The following PLXDC2 variants were observed in gnomAD, a reference collection of about 807,000 sequenced individuals.
The protein encoded by PLXDC2 is plexin domain containing 2.
PLXDC2 carries 40 observed loss-of-function variants against 68.9 expected under a neutral mutation model. The observed-to-expected ratio is 0.58, with a 90% confidence interval of 0.45 to 0.76. The LOEUF is 0.76. Ranked by LOEUF, PLXDC2 falls within the 30% of genes least tolerant of loss-of-function variation. The pLI is 0.00. For synonymous variants in PLXDC2, 243 were observed against 234.2 expected (o/e 1.04, Z -0.34); for missense variants, 644 against 661.9 (o/e 0.97, Z 0.30).
chr10:20,042,693 T>C (rs542589785), intron 2 of PLXDC2, among the ~76,000 whole-genome samples: 1 of 152,300 alleles, frequency 6.6e-6, no homozygotes, highest in Admixed American at 6.5e-5. Context: ...ACATTACCCC[T>C]CATAAAGTCA....
At chr10:20,122,171 G>A (rs995947938) in intron 4 of PLXDC2, among the ~76,000 whole-genome samples, 1 of 152,110 alleles carries the variant, frequency 6.6e-6, no homozygotes, top group Non-Finnish European at 1.5e-5. Flanking sequence ...ATAACTAAAA[G>A]GAATGCTTAA....
At chr10:20,263,642 C>A (rs1267649636) in intron 13 of PLXDC2, among the ~76,000 whole-genome samples, 1 of 152,006 alleles carries the variant, frequency 6.6e-6, no homozygotes, top group Non-Finnish European at 1.5e-5. Context: ...CAAACAACCT[C>A]ATTAAAAAGT....
At chr10:20,021,049 C>A (rs1835299041) in intron 2 of PLXDC2, among the ~76,000 whole-genome samples, 2 of 152,116 alleles carry the variant, frequency 1.3e-5, no homozygotes, top group African/African-American at 4.8e-5. Flanking sequence ...TTTTAAACGT[C>A]ACTAAACAAA....
chr10:19,909,884 G>A (rs1833234421), intron 1 of PLXDC2, among the ~76,000 whole-genome samples: 1 of 152,116 alleles, frequency 6.6e-6, no homozygotes. Flanking sequence ...ATGAGTGTAT[G>A]TTCAATGTAT....
intron 1 of PLXDC2, among the ~76,000 whole-genome samples, chr10:19,915,264 A>T (rs937720804): frequency 6.6e-6 from 1 of 151,964 alleles, no homozygotes; most frequent in Non-Finnish European, 1.5e-5. Context: ...TGCTCTACCT[A>T]TAGTGTTTCT....
At chr10:20,277,640 AGTT>A (rs893975199) in intron 13 of PLXDC2, among the ~76,000 whole-genome samples, 6 of 152,202 alleles carry the variant, frequency 3.9e-5, no homozygotes, top group African/African-American at 1.4e-4. Flanking sequence ...ATTTTGGTGA[AGTT>A]GTTACTCTTT....
intron 1 of PLXDC2, among the ~76,000 whole-genome samples, chr10:19,893,655 A>G (rs79648349): frequency 0.042 from 6,355 of 152,350 alleles, 220 homozygotes; most frequent in South Asian, 0.14. Context: ...TCTGAAATTA[A>G]GGGGAATGCA....
chr10:20,172,348 T>C (rs1372222067), intron 7 of PLXDC2, among the ~76,000 whole-genome samples: 1 of 151,930 alleles, frequency 6.6e-6, no homozygotes, highest in Non-Finnish European at 1.5e-5. Flanking sequence ...AACACCAGGT[T>C]CAGGACAAGC....
At chr10:20,072,323 T>G (rs893722147) in intron 4 of PLXDC2, among the ~76,000 whole-genome samples, 1 of 148,810 alleles carries the variant, frequency 6.7e-6, no homozygotes, top group Non-Finnish European at 1.5e-5. Context: ...GCAGCCAAGA[T>G]AGCACCATTG....
intron 1 of PLXDC2, among the ~76,000 whole-genome samples, chr10:19,929,215 T>G (rs1382203684): frequency 2.0e-5 from 3 of 151,084 alleles, no homozygotes; most frequent in African/African-American, 7.3e-5. Flanking sequence ...CCTGCTCTAC[T>G]AAAAGAAAAA....
intron 4 of PLXDC2, among the ~76,000 whole-genome samples, chr10:20,111,549 TAAAAC>T (rs1441564564): frequency 2.0e-5 from 3 of 152,296 alleles, no homozygotes; most frequent in East Asian, 3.9e-4. Context: ...GTTCAAAAGA[TAAAAC>T]AAAAATGTCA....
intron 9 of PLXDC2, among the ~76,000 whole-genome samples, chr10:20,203,100 A>G (rs980924764): frequency 6.6e-6 from 1 of 152,124 alleles, no homozygotes; most frequent in East Asian, 1.9e-4. Context: ...CCTGTCCTAC[A>G]GACTCCCAAA....
chr10:19,888,746 T>C (rs1837893592), intron 1 of PLXDC2, among the ~76,000 whole-genome samples: 1 of 152,048 alleles, frequency 6.6e-6, no homozygotes, highest in South Asian at 2.1e-4. Flanking sequence ...GGATTGGCCA[T>C]CCCTATGAGA....
At chr10:20,222,607 A>G (rs2131868887) in intron 12 of PLXDC2, among the ~76,000 whole-genome samples, 1 of 152,342 alleles carries the variant, frequency 6.6e-6, no homozygotes, top group East Asian at 1.9e-4. Flanking sequence ...TTGAAACAAA[A>G]GAGAAAGATA....
chr10:19,979,382 T>TC (rs1491320163), intron 1 of PLXDC2, among the ~76,000 whole-genome samples: 1 of 83,490 alleles, frequency 1.2e-5, no homozygotes, highest in Non-Finnish European at 2.7e-5. Flanking sequence ...GATAGATAGA[T>TC]TTTTTTTTTT....
intron 1 of PLXDC2, among the ~76,000 whole-genome samples, chr10:19,871,263 G>A (rs1837529183): frequency 6.6e-6 from 1 of 152,170 alleles, no homozygotes; most frequent in Non-Finnish European, 1.5e-5. Context: ...TACGGCAAAG[G>A]AATTGATGAG....
chr10:19,881,651 G>A (rs1837729731), intron 1 of PLXDC2, among the ~76,000 whole-genome samples: 1 of 152,136 alleles, frequency 6.6e-6, no homozygotes, highest in African/African-American at 2.4e-5. Context: ...CAATAAAAAT[G>A]TTAAAGATTT....
chr10:19,931,090 C>A (rs937103102), intron 1 of PLXDC2, among the ~76,000 whole-genome samples: 1 of 152,162 alleles, frequency 6.6e-6, no homozygotes, highest in Admixed American at 6.5e-5. Flanking sequence ...TTCTGCAACC[C>A]GCAAACACCC....
chr10:20,249,123 C>A (rs184946787), intron 13 of PLXDC2, among the ~76,000 whole-genome samples: 2 of 152,046 alleles, frequency 1.3e-5, no homozygotes, highest in Non-Finnish European at 2.9e-5. Flanking sequence ...TTTTAAAGAA[C>A]ATTTTTCTGT....
Sources: gnomAD v4.1 joint callset for allele counts (sites outside exome capture counted in the v4.1 genomes callset) on GRCh38, gnomAD v4.1.1 for gene constraint, MANE v1.5 for transcripts, NCBI Gene and HGNC (gene_info 2026-07-23, HGNC 2026-07-21) for gene names.